Variants in DOCK10 observed in about 807,000 individuals in gnomAD.
DOCK10 encodes the protein dedicator of cytokinesis protein 10.
Under a neutral mutation model 280.1 loss-of-function variants are expected in DOCK10, and 145 were observed. The ratio of observed to expected loss-of-function variants is 0.52; its 90% CI spans 0.45 to 0.59. The LOEUF is 0.59. Ranked by LOEUF, DOCK10 falls within the 20% of genes least tolerant of loss-of-function variation. The probability of loss-of-function intolerance (pLI) is 0.00; values close to 1 mark genes in which losing one functional copy is unlikely to be tolerated. For missense variants in DOCK10, 2,368 were observed against 2,651.7 expected (o/e 0.89, Z 2.35); for synonymous variants, 915 against 942.2 (o/e 0.97, Z 0.53).
chr2:224,887,427 A>G (rs1015373539), intron 4 of DOCK10, among the ~76,000 whole-genome samples: 1 of 152,192 alleles, frequency 6.6e-6, no homozygotes, highest in Non-Finnish European at 1.5e-5. Context: ...TGCCTATTCA[A>G]GTTGCAACAT....
rs764961008 is a variant in DOCK10, at chr2:224,807,776, C to T, written c.3594G>A (p.Gln1198=). 6.4e-7 allele frequency: 1 copy of T among 1,567,802 alleles called. No homozygotes were observed. The highest frequency in any genetic ancestry group is 8.7e-7 in the Non-Finnish European group (1 of 1,155,510). The change falls in exon 33 of 56, where the codon CAG becomes CAA. Residue 1198 remains glutamine, a synonymous_variant. Transcript: ENST00000258390. ...FDDRYREPRK[Q]AQIASLYMPL... is the part of the protein sequence containing the mutation. ...GCATGTATAAACTTGCTATCTGGGC[C>T]TGCTTTCTCTAGGAGAAAAGGTAGC... is the stretch of plus-strand genomic sequence containing the variant.
rs770509034 is a variant in DOCK10 at position 224,801,928 on chromosome 2, T to C, written c.4381A>G (p.Asn1461Asp). Residue 1461 changes from asparagine (N) to aspartate (D), a missense_variant, in exon 40 of 56, where the codon AAT becomes GAT. Around this residue, in one of 2 missense-constraint regions of DOCK10, gnomAD observed 1,159 missense variants for 1,400.8 expected, o/e 0.83. Coordinates refer to ENST00000258390, the MANE Select transcript of DOCK10 (RefSeq NM_014689.3). The stretch of plus-strand genomic sequence containing the variant: ...TCAGTTTACTTACTGGTCATGGTAT[T>C]GTCTAACATCTGTAAGAGTTTGGGG... Reference protein sequence around the residue: ...SNPKLLQMLDNTMTSNSNEID... With the variant: ...SNPKLLQMLDDTMTSNSNEID... 2.4e-5 allele frequency: 39 copies of C among 1,612,820 alleles called. No individual in the cohort carries two copies. Among genetic ancestry groups the C allele is most frequent in the Non-Finnish European group, 3.1e-5 (37 of 1,179,194 alleles).
At chr2:224,859,567 ATGT>A (rs548452860) in intron 14 of DOCK10, among the ~76,000 whole-genome samples, 2 of 152,204 alleles carry the variant, frequency 1.3e-5, no homozygotes, top group African/African-American at 4.8e-5. Flanking sequence ...TCAGAAAAAA[ATGT>A]TGTTCACAGT....
At chr2:224,979,963 TA>T (rs35303687) in intron 1 of DOCK10, among the ~76,000 whole-genome samples, 21 of 149,118 alleles carry the variant, frequency 1.4e-4, no homozygotes, top group East Asian at 3.9e-4. Flanking sequence ...TGTGATCTTA[TA>T]AAAAAAAAAA....
At chr2:224,870,075 G>A (rs1375935022) in intron 11 of DOCK10, among the ~76,000 whole-genome samples, 9 of 152,240 alleles carry the variant, frequency 5.9e-5, no homozygotes, top group Admixed American at 5.2e-4. Context: ...GGACCCAGTG[G>A]GAAGTAATTG....
chr2:224,799,307 G>A (rs1692811896), intron 41 of DOCK10, among the ~76,000 whole-genome samples: 1 of 152,128 alleles, frequency 6.6e-6, no homozygotes, highest in African/African-American at 2.4e-5. Flanking sequence ...GGTTTCTTGG[G>A]TTTCACCCAT....
rs1012944702 is a variant in DOCK10 at position 224,788,993 on chromosome 2, ATT to A, written c.5418+69_5418+70del. ...ATAGCTGTAAGCTTGTTTCCCCCTT[ATT>A]TAGCTTAATGTCACAAGCCAATGCA... On this transcript the variant is annotated intron_variant, in intron 48 of 55. Transcript: ENST00000258390. The A allele has an allele frequency of 7.8e-6, 7 of 895,958 alleles. No individual in the cohort carries two copies. In the African/African-American group the frequency reaches 1.2e-4, roughly 15 times the overall value. 55.5% of individuals were successfully genotyped at this position (895,958 alleles called of 1,614,324 possible). A position where few individuals can be genotyped will look rare whatever the true frequency, so the allele number is the denominator to read the frequency against.
At chr2:224,821,548 T>A (rs573777900) in intron 28 of DOCK10, among the ~76,000 whole-genome samples, 1 of 152,286 alleles carries the variant, frequency 6.6e-6, no homozygotes, top group Non-Finnish European at 1.5e-5. Context: ...CTAGCTCAAA[T>A]GATTCATCTA....
chr2:224,902,381 T>G (rs1049930510), intron 3 of DOCK10, among the ~76,000 whole-genome samples: 1 of 152,226 alleles, frequency 6.6e-6, no homozygotes, highest in Non-Finnish European at 1.5e-5. Context: ...ATTTTGGCCC[T>G]TAGTCACCAC....
At chr2:225,039,439 T>C (rs532434532) in intron 1 of DOCK10, among the ~76,000 whole-genome samples, 2 of 152,234 alleles carry the variant, frequency 1.3e-5, no homozygotes, top group African/African-American at 2.4e-5. Context: ...TTGAAATGTA[T>C]GTTTTTGTTC....
intron 11 of DOCK10, 56 bp downstream of exon 11, chr2:224,873,940 C>CT: frequency 1.3e-6 from 2 of 1,542,816 alleles, no homozygotes; most frequent in Non-Finnish European, 1.7e-6. Context: ...AGATTTTTGA[C>CT]TAGGGTGGTG....
rs200910727 is a variant in DOCK10 at position 224,837,817 on chromosome 2, A to G, written c.2795T>C (p.Ile932Thr). 2.6e-5 allele frequency: 42 copies of G among 1,613,944 alleles called. No homozygotes were observed. The highest frequency in any genetic ancestry group is 3.3e-5 in the Non-Finnish European group (39 of 1,179,876). ...TTTVTRVLTD[I>T]VAKCHEEQLD... ...CTGCTCCTCATGGCACTTGGCCACA[A>G]TGTCGGTCAGAACCCTGCAAAAGCA... The change falls in exon 25 of 56, where the codon ATT becomes ACT. Residue 932 changes from isoleucine (I) to threonine (T), a missense_variant. Coordinates refer to ENST00000258390, the MANE Select transcript of DOCK10 (RefSeq NM_014689.3).
At chr2:224,962,654 T>C (rs995733826) in intron 1 of DOCK10, among the ~76,000 whole-genome samples, 5 of 152,250 alleles carry the variant, frequency 3.3e-5, no homozygotes, top group Admixed American at 6.5e-5. Context: ...TATTCAATTA[T>C]ACCTGTGGAA....
intron 1 of DOCK10, among the ~76,000 whole-genome samples, chr2:224,967,110 C>T (rs578136043): frequency 7.7e-4 from 114 of 147,576 alleles, no homozygotes; most frequent in African/African-American, 2.5e-3. Context: ...GACGGAGTCT[C>T]GCTCTGTCGC....
rs148927906 is a variant in DOCK10, at chr2:224,915,167, C to T, written c.333+1528G>A. On this transcript the variant is annotated intron_variant, in intron 3 of 55. Transcript: ENST00000258390. Reference sequence around the variant, plus strand: ...GTCAATGTTATAAAAATGTCAAATCCTGCCTAAGTTAACACATATTTATTG... The same window carrying T: ...GTCAATGTTATAAAAATGTCAAATCTTGCCTAAGTTAACACATATTTATTG... Among the ~76,000 whole-genome samples, 484 of 152,270 alleles carry T rather than the reference C, an allele frequency of 3.2e-3. 4 individuals are homozygous for T. The highest frequency in any genetic ancestry group is 5.2e-3 in the Admixed American group (80 of 15,296).
chr2:224,849,241 T>G (rs191954631), intron 19 of DOCK10, among the ~76,000 whole-genome samples: 1 of 152,376 alleles, frequency 6.6e-6, no homozygotes, highest in African/African-American at 2.4e-5. Flanking sequence ...CCCAAAGTGC[T>G]GGGATTACAG....
intron 40 of DOCK10, among the ~76,000 whole-genome samples, chr2:224,801,044 G>A (rs1692955252): frequency 6.6e-6 from 1 of 152,050 alleles, no homozygotes; most frequent in South Asian, 2.1e-4. Flanking sequence ...GGAAATGTCT[G>A]GGTTAAGAAA....
At chr2:224,885,405 C>T (rs1574993929) in intron 7 of DOCK10, among the ~76,000 whole-genome samples, 1 of 152,328 alleles carries the variant, frequency 6.6e-6, no homozygotes, top group Middle Eastern at 3.4e-3. Flanking sequence ...TCTTCTGTCT[C>T]CCTTTTGTTT....
Position 224,904,866 on chromosome 2 carries a change from A to G in DOCK10, c.334-8489T>C, listed in dbSNP as rs377230512. Among the ~76,000 whole-genome samples, 15 of 152,352 alleles carry G rather than the reference A, an allele frequency of 9.8e-5. No homozygotes were observed. The South Asian group carries it at 1.9e-3, about 19-fold the overall frequency. On this transcript the variant is annotated intron_variant, in intron 3 of 55. Coordinates refer to ENST00000258390, the MANE Select transcript of DOCK10 (RefSeq NM_014689.3). ...ATTATTTTAACTATAAAAGTAAAAA[A>G]AGAAATTCCCCATGTTTTCTTGAGA...
Sources: allele counts gnomAD v4.1 joint callset (sites outside exome capture counted in the v4.1 genomes callset), GRCh38; gene constraint gnomAD v4.1.1; regional missense constraint gnomAD v4.1.1; transcripts MANE v1.5; gene names NCBI Gene and HGNC (gene_info 2026-07-23, HGNC 2026-07-21).